MYO15B: variants seen among roughly 807,000 people sequenced by gnomAD.
The protein encoded by MYO15B is myosin XVB pseudogene.
MYO15B carries 207 observed loss-of-function variants against 119.3 expected under a neutral mutation model. That is an observed-to-expected ratio of 1.73 (90% CI 1.55 to 1.95). The LOEUF (loss-of-function observed/expected upper bound fraction) is 1.95, where lower values mean the gene tolerates loss of function less well. Ranked by LOEUF, MYO15B falls within the 30% of genes most tolerant of loss-of-function variation. The pLI, the probability that MYO15B is intolerant of heterozygous loss-of-function variation, is 0.00. For missense variants in MYO15B, 2,264 were observed against 1,203.1 expected (o/e 1.88, Z -13.04); for synonymous variants, 966 against 498.9 (o/e 1.94, Z -12.48).
intron 10 of MYO15B, 30 bp from the exon 11 acceptor site, chr17:75,594,669 GAC>G: frequency 1.4e-6 from 1 of 702,536 alleles, no homozygotes; most frequent in South Asian, 1.5e-5. Context: ...CTGCAGGCCT[GAC>G]ACACCAGCTG....
chr17:75,617,373 G>A (rs955002487), intron 41 of MYO15B, 69 bp downstream of exon 41: 25 of 575,816 alleles, frequency 4.3e-5, no homozygotes, highest in South Asian at 3.4e-4. Context: ...ACAGACTCTC[G>A]GTGCCCAGGG....
rs990611230 is a variant in MYO15B at position 75,610,783 on chromosome 17, C to T, written c.4387-117C>T. On this transcript the variant is annotated intron_variant, in intron 22 of 63. Coordinates refer to ENST00000645453, the Ensembl canonical transcript of MYO15B. ...GCTGGCCCCTCCTGATCTGTTCTCA[C>T]TCCTTTGCTGAGAACCTCCCAGGGG... The T allele has an allele frequency of 2.4e-4, 163 of 683,056 alleles. No homozygotes were observed. In the East Asian group the frequency reaches 4.3e-3, roughly 18 times the overall value. The allele number at this position is 683,056 out of a possible 1,614,324, so 42.3% of individuals were successfully genotyped here.
chr17:75,623,568 G>A (rs1231866537), intron 53 of MYO15B, among the ~76,000 whole-genome samples: 1 of 152,228 alleles, frequency 6.6e-6, no homozygotes, highest in African/African-American at 2.4e-5. Context: ...ATTGCAGTGA[G>A]CTGAGATCAT....
At chr17:75,599,945 T>C (rs2057140546) in intron 14 of MYO15B, among the ~76,000 whole-genome samples, 1 of 150,164 alleles carries the variant, frequency 6.7e-6, no homozygotes, top group Non-Finnish European at 1.5e-5. Flanking sequence ...TACAAGCGCA[T>C]GTGATTCTGG....
At chr17:75,616,119 G>A (rs1234757490) in exon 37 of MYO15B, 1 of 563,952 alleles carries the variant, frequency 1.8e-6, no homozygotes, top group Non-Finnish European at 3.1e-6. Context: ...AGAGCTTCCA[G>A]CAGAAACGGA....
intron 34 of MYO15B, 40 bp downstream of exon 34, chr17:75,615,378 G>C (rs1158192179): frequency 4.3e-6 from 3 of 695,484 alleles, no homozygotes; most frequent in African/African-American, 1.7e-5. Context: ...CTTCTCAGGA[G>C]AGCAGCCACC....
intron 21 of MYO15B, among the ~76,000 whole-genome samples, chr17:75,609,636 C>G (rs973406171): frequency 2.0e-5 from 3 of 151,290 alleles, no homozygotes; most frequent in Non-Finnish European, 4.4e-5. Flanking sequence ...TCCCTTCCTC[C>G]CTCTCTCCCT....
At chr17:75,617,413 G>C in intron 41 of MYO15B, 109 bp downstream of exon 41, 1 of 570,078 alleles carries the variant, frequency 1.8e-6, no homozygotes, top group Non-Finnish European at 3.1e-6. Context: ...GCTGAGGCCA[G>C]CTGTTCGGGC....
chr17:75,607,976 A>T (rs1275195739), intron 21 of MYO15B, among the ~76,000 whole-genome samples: 1 of 152,148 alleles, frequency 6.6e-6, no homozygotes, highest in Non-Finnish European at 1.5e-5. Context: ...TTAAAATCAT[A>T]GCCCTGCTAG....
intron 3 of MYO15B, 73 bp from the exon 4 acceptor site, chr17:75,591,099 G>A (rs1261272512): frequency 4.3e-6 from 3 of 699,322 alleles, no homozygotes; most frequent in South Asian, 1.5e-5. Context: ...AGGTCCCGGG[G>A]CCTGTGAGCA....
At chr17:75,615,264 C>T (rs1474458014) in exon 34 of MYO15B, 11 of 702,570 alleles carry the variant, frequency 1.6e-5, no homozygotes, top group Non-Finnish European at 2.9e-5. Flanking sequence ...ATTCAGATGC[C>T]TGCATACCAG....
intron 1 of MYO15B, 92 bp downstream of exon 1, chr17:75,590,335 T>G (rs2056355765): frequency 5.0e-6 from 2 of 398,568 alleles, no homozygotes; most frequent in Admixed American, 8.8e-5. Context: ...TGTAGACCCT[T>G]ATTGAATCCT....
In MYO15B at chr17:75,626,462, C is replaced by T. The variant is rs554587712; in HGVS notation, c.9269C>T (p.Thr3090Ile). The change falls in exon 64 of 64, where the codon ACT (threonine) becomes ATT (isoleucine). Residue 3090 changes from threonine to isoleucine, a missense_variant. Thr to Ile is a moderately conservative substitution (Grantham distance 89, BLOSUM62 -1). Coordinates refer to ENST00000645453, the Ensembl canonical transcript of MYO15B. ...CTGATAGACAGCAGTGCCTCTTGCA[C>T]TGAGTGGCCCAGCATCAACTGAGAG... The T allele has an allele frequency of 2.0e-5, 14 of 703,284 alleles. No individual in the cohort carries two copies. The African/African-American group carries it at 2.3e-4, about 11-fold the overall frequency. The allele number at this position is 703,284 out of a possible 1,614,324, so 43.6% of individuals were successfully genotyped here.
Position 75,624,630 on chromosome 17 carries a change from AAAGAG to A in MYO15B, c.8539_8542+1del, listed in dbSNP as rs1790161062. 4.3e-6 allele frequency: 3 copies of A among 702,618 alleles called. No individual in the cohort carries two copies. Among genetic ancestry groups the A allele is most frequent in the Non-Finnish European group, 7.8e-6 (3 of 384,944 alleles). 43.5% of individuals were successfully genotyped at this position (702,618 alleles called of 1,614,324 possible). On this transcript the variant is annotated frameshift_variant, in exon 58 of 64. Transcript: ENST00000645453. LOFTEE classifies it high-confidence loss of function. ...GCAGGAATTCGCCCTCTTCCTCATC[AAAGAG>A]AAGAGTAAGCTTGGGGACGGAGCCT...
Position 75,613,397 on chromosome 17 carries a change from AC to A in MYO15B, c.5078del (p.Pro1693ArgfsTer79), listed in dbSNP as rs1345750150. 1.5e-5 allele frequency: 10 copies of A among 670,980 alleles called. No homozygotes were observed. Among genetic ancestry groups the A allele is most frequent in the Non-Finnish European group, 1.9e-5 (7 of 375,674 alleles). 41.6% of individuals were successfully genotyped at this position (670,980 alleles called of 1,614,324 possible). A position where few individuals can be genotyped will look rare whatever the true frequency, so the allele number is the denominator to read the frequency against. ...CTGGCCTCGGGGGCCACTCGGGCCC[AC>A]CCCCCGACCCAGCTGGAGTGGCTGG... On this transcript the variant is annotated frameshift_variant, in exon 28 of 64. Coordinates refer to ENST00000645453, the Ensembl canonical transcript of MYO15B. LOFTEE classifies it high-confidence loss of function.
Position 75,624,615 on chromosome 17 carries a change from G to A in MYO15B, c.8518G>A (p.Ala2840Thr), listed in dbSNP as rs147045351. 49 of 702,906 alleles carry A rather than the reference G, an allele frequency of 7.0e-5. No homozygotes were observed. In the Middle Eastern group the frequency reaches 9.2e-4, roughly 13 times the overall value. The allele number at this position is 702,906 out of a possible 1,614,324, so 43.5% of individuals were successfully genotyped here. Reference sequence around the variant, plus strand: ...GGAGCCTCAGGAAGTGCAGGAATTCGCCCTCTTCCTCATCAAAGAGAAGAG... The same window carrying A: ...GGAGCCTCAGGAAGTGCAGGAATTCACCCTCTTCCTCATCAAAGAGAAGAG... Residue 2840 changes from alanine to threonine, a missense_variant, in exon 58 of 64, where the codon GCC becomes ACC. Ala to Thr is a moderately conservative substitution (Grantham distance 58). Transcript: ENST00000645453.
At chr17:75,614,156 C>G in intron 29 of MYO15B, 43 bp from the exon 30 acceptor site, 2 of 696,898 alleles carry the variant, frequency 2.9e-6, no homozygotes, top group East Asian at 5.4e-5. Context: ...TTGCCCCCTT[C>G]TGGATGGCCG....
At chr17:75,594,339 T>A in intron 9 of MYO15B, 136 bp from the exon 10 acceptor site, 1 of 514,180 alleles carries the variant, frequency 1.9e-6, no homozygotes, top group East Asian at 3.1e-5. Flanking sequence ...TCGCTCCTAA[T>A]GGCCCAGATC....
intron 14 of MYO15B, 133 bp from the exon 15 acceptor site, chr17:75,601,305 C>T (rs2057267089): frequency 1.7e-6 from 1 of 591,082 alleles, no homozygotes; most frequent in Non-Finnish European, 3.0e-6. Flanking sequence ...TCCCAAAGCG[C>T]TTGTTTTGGG....
Sources: allele counts gnomAD v4.1 joint callset (sites outside exome capture counted in the v4.1 genomes callset), GRCh38; gene constraint gnomAD v4.1.1; transcripts MANE v1.5; gene names NCBI Gene and HGNC (gene_info 2026-07-23, HGNC 2026-07-21).